The following GABRB1 variants were observed in gnomAD, a reference collection of about 807,000 sequenced individuals.
GABRB1 encodes the protein gamma-aminobutyric acid type A receptor subunit beta1, also known as gamma-aminobutyric acid receptor subunit beta-1.
In GABRB1, 17 loss-of-function variants were observed where a neutral mutation model predicts 51.6. That is an observed-to-expected ratio of 0.33 (90% CI 0.23 to 0.49). The LOEUF (loss-of-function observed/expected upper bound fraction) is 0.49. Among genes scored for constraint, GABRB1 ranks in the 20% least tolerant of loss-of-function variants. The probability of loss-of-function intolerance (pLI) is 0.99; values close to 1 mark genes in which losing one functional copy is unlikely to be tolerated. For missense variants in GABRB1, 410 were observed against 600.6 expected (o/e 0.68, Z 3.32); for synonymous variants, 247 against 218.9 (o/e 1.13, Z -1.14).
intron 5 of GABRB1, among the ~76,000 whole-genome samples, chr4:47,391,820 T>C (rs1728006245): frequency 1.3e-5 from 2 of 152,190 alleles, no homozygotes; most frequent in Admixed American, 1.3e-4. Flanking sequence ...GAAACTTTAC[T>C]ATAGACAGAA....
chr4:47,270,863 A>G (rs1722846119), intron 4 of GABRB1, among the ~76,000 whole-genome samples: 1 of 152,210 alleles, frequency 6.6e-6, no homozygotes, highest in Non-Finnish European at 1.5e-5. Flanking sequence ...TTTATCCTAT[A>G]GCATACGAAC....
chr4:47,207,414 T>C (rs13117729), intron 4 of GABRB1, among the ~76,000 whole-genome samples: 130,859 of 151,928 alleles, frequency 0.86, 56,366 homozygotes, highest in Middle Eastern at 0.92. Flanking sequence ...TGTTCTGCAT[T>C]TTACACCAGT....
At chr4:47,187,690 T>G (rs1577984965) in intron 4 of GABRB1, among the ~76,000 whole-genome samples, 1 of 151,810 alleles carries the variant, frequency 6.6e-6, no homozygotes, top group Admixed American at 6.6e-5. Context: ...CTCCAGTAAT[T>G]TCTCACTTCA....
At chr4:46,997,905 C>T (rs934318198) in intron 1 of GABRB1, among the ~76,000 whole-genome samples, 1 of 152,110 alleles carries the variant, frequency 6.6e-6, no homozygotes, top group African/African-American at 2.4e-5. Context: ...GATATCTCTA[C>T]AAGATGCTGA....
chr4:47,098,521 TG>T (rs1714569674), intron 3 of GABRB1, among the ~76,000 whole-genome samples: 1 of 152,160 alleles, frequency 6.6e-6, no homozygotes, highest in Non-Finnish European at 1.5e-5. Context: ...ATCAGTGTCC[TG>T]ATAGGGTAGT....
intron 4 of GABRB1, among the ~76,000 whole-genome samples, chr4:47,299,501 A>T (rs1403300961): frequency 3.9e-5 from 6 of 152,228 alleles, no homozygotes; most frequent in Non-Finnish European, 8.8e-5. Context: ...GCTCATCATC[A>T]CTGGCCATCA....
At chr4:47,355,190 C>A (rs888822154) in intron 5 of GABRB1, among the ~76,000 whole-genome samples, 1 of 151,928 alleles carries the variant, frequency 6.6e-6, no homozygotes, top group Non-Finnish European at 1.5e-5. Context: ...CCATGTTGAC[C>A]AGGCTGGTCT....
intron 4 of GABRB1, among the ~76,000 whole-genome samples, chr4:47,307,576 AG>A (rs1354475520): frequency 6.6e-6 from 1 of 152,082 alleles, no homozygotes; most frequent in Non-Finnish European, 1.5e-5. Context: ...CTTCCAAAAA[AG>A]TTTAACAATA....
At position 47,161,942 on chromosome 4, in the gene GABRB1, C is replaced by A. The variant is rs140628935; in HGVS notation, c.461+473C>A. 4.0e-4 allele frequency among the ~76,000 whole-genome samples: 61 copies of A among 151,956 alleles called. 1 individual carries two copies. The highest frequency in any genetic ancestry group is 1.5e-3 in the African/African-American group (61 of 41,494). On this transcript the variant is annotated intron_variant, in intron 4 of 8. Coordinates refer to ENST00000295454, the MANE Select transcript of GABRB1 (RefSeq NM_000812.4). ...TTAATGTCTAAATTCACCAATGCCC[C>A]AAAACAATATACAAGTGAAAAAAAT...
chr4:47,057,189 A>G lies in GABRB1; in HGVS notation c.240+24705A>G, dbSNP rs542803945. 7.2e-5 allele frequency among the ~76,000 whole-genome samples: 11 copies of G among 152,296 alleles called. No individual in the cohort carries two copies. The South Asian group carries it at 1.2e-3, about 17-fold the overall frequency. ...TCTACATTTACATTTACCACTCACAATAAGGAAGAGAGTAAATGATCTGAG... is the reference window on the plus strand; with the variant it reads ...TCTACATTTACATTTACCACTCACAGTAAGGAAGAGAGTAAATGATCTGAG... On this transcript the variant is annotated intron_variant, in intron 3 of 8. Coordinates refer to ENST00000295454, the MANE Select transcript of GABRB1 (RefSeq NM_000812.4).
chr4:47,174,011 T>G (rs138145730), intron 4 of GABRB1, among the ~76,000 whole-genome samples: 1 of 152,134 alleles, frequency 6.6e-6, no homozygotes, highest in Non-Finnish European at 1.5e-5. Flanking sequence ...AATCAGAATT[T>G]TAATTCCAAG....
chr4:46,999,174 A>T (rs1724103647), intron 1 of GABRB1, among the ~76,000 whole-genome samples: 1 of 152,184 alleles, frequency 6.6e-6, no homozygotes, highest in African/African-American at 2.4e-5. Context: ...TTTAGAGGGG[A>T]TACACAAAGA....
intron 1 of GABRB1, among the ~76,000 whole-genome samples, chr4:47,005,036 C>T (rs1288026221): frequency 1.3e-5 from 2 of 152,092 alleles, no homozygotes; most frequent in African/African-American, 4.8e-5. Flanking sequence ...CAAGAGTGGG[C>T]CTAGGGGGAG....
intron 3 of GABRB1, among the ~76,000 whole-genome samples, chr4:47,104,171 A>T (rs1052667284): frequency 2.6e-5 from 4 of 151,790 alleles, no homozygotes; most frequent in Non-Finnish European, 5.9e-5. Context: ...TGAATATAGA[A>T]GTATAGGATG....
chr4:47,146,425 G>A (rs1717174559), intron 3 of GABRB1, among the ~76,000 whole-genome samples: 1 of 151,990 alleles, frequency 6.6e-6, no homozygotes, highest in South Asian at 2.1e-4. Context: ...GAAAGTATAC[G>A]AGGAAATTGA....
At chr4:47,220,564 A>G (rs968349644) in intron 4 of GABRB1, among the ~76,000 whole-genome samples, 1 of 151,946 alleles carries the variant, frequency 6.6e-6, no homozygotes, top group African/African-American at 2.4e-5. Flanking sequence ...TTTACCGGTA[A>G]TGAAAATGAG....
intron 4 of GABRB1, among the ~76,000 whole-genome samples, chr4:47,294,560 C>A (rs1484844849): frequency 1.3e-5 from 2 of 152,218 alleles, no homozygotes; most frequent in Admixed American, 1.3e-4. Flanking sequence ...GGGAGGGGCG[C>A]CCGCCATTGC....
chr4:47,376,746 A>AAAGGAAATGG (rs773360246), intron 5 of GABRB1, among the ~76,000 whole-genome samples: 590 of 152,282 alleles, frequency 3.9e-3, no homozygotes, highest in African/African-American at 0.011. Flanking sequence ...TTGAGCAGTG[A>AAAGGAAATGG]AAGGAAATGG....
At chr4:47,196,410 A>C (rs990200509) in intron 4 of GABRB1, among the ~76,000 whole-genome samples, 3 of 152,236 alleles carry the variant, frequency 2.0e-5, no homozygotes, top group African/African-American at 7.2e-5. Context: ...GAGATCCAGC[A>C]CTGGATAGAT....
Sources: allele counts gnomAD v4.1 joint callset (sites outside exome capture counted in the v4.1 genomes callset), GRCh38; gene constraint gnomAD v4.1.1; transcripts MANE v1.5; gene names NCBI Gene and HGNC (gene_info 2026-07-23, HGNC 2026-07-21).